GLIS3: variants seen among roughly 807,000 people sequenced by gnomAD.
The protein encoded by GLIS3 is zinc finger protein GLIS3.
In GLIS3, 53 loss-of-function variants were observed where a neutral mutation model predicts 78.6. The observed-to-expected ratio is 0.67, with a 90% CI of 0.54 to 0.85. The LOEUF (loss-of-function observed/expected upper bound fraction) is 0.85. Ranked by LOEUF, GLIS3 falls within the 40% of genes least tolerant of loss-of-function variation. GLIS3 has a pLI of 0.00. For synonymous variants in GLIS3, 684 were observed against 509.9 expected (o/e 1.34, Z -4.60); for missense variants, 1,703 against 1,231.1 (o/e 1.38, Z -5.74).
intron 4 of GLIS3, among the ~76,000 whole-genome samples, chr9:3,973,858 C>T (rs1170648325): frequency 3.3e-5 from 5 of 152,042 alleles, no homozygotes; most frequent in Non-Finnish European, 5.9e-5. Flanking sequence ...TTTTCGACAT[C>T]TTATTTTTGT....
chr9:4,163,378 C>T (rs1835653137), intron 2 of GLIS3, among the ~76,000 whole-genome samples: 1 of 152,264 alleles, frequency 6.6e-6, no homozygotes, highest in Admixed American at 6.5e-5. Flanking sequence ...GAGGATACCT[C>T]ATTTAACATA....
intron 4 of GLIS3, among the ~76,000 whole-genome samples, chr9:4,001,006 G>C (rs1232760040): frequency 6.6e-6 from 1 of 152,140 alleles, no homozygotes; most frequent in Non-Finnish European, 1.5e-5. Context: ...TTTGTAGCCA[G>C]GAGCTGTGTT....
chr9:4,185,033 T>C (rs1030597925), intron 2 of GLIS3, among the ~76,000 whole-genome samples: 1 of 152,228 alleles, frequency 6.6e-6, no homozygotes, highest in African/African-American at 2.4e-5. Context: ...GTTGTATAAC[T>C]ATCACTGTAA....
intron 2 of GLIS3, among the ~76,000 whole-genome samples, chr9:4,220,492 G>A (rs1821233172): frequency 6.6e-6 from 1 of 152,208 alleles, no homozygotes; most frequent in Admixed American, 6.5e-5. Flanking sequence ...GCCCACTGAT[G>A]TAATGCACTG....
intron 4 of GLIS3, among the ~76,000 whole-genome samples, chr9:4,002,283 C>A (rs1821173663): frequency 2.0e-5 from 3 of 152,160 alleles, no homozygotes; most frequent in Non-Finnish European, 4.4e-5. Context: ...CCTTCAGAGC[C>A]TCCAGAAGGA....
chr9:4,420,960 T>C, the GLIS3 span, among the ~76,000 whole-genome samples: 3 of 152,202 alleles, frequency 2.0e-5, no homozygotes, highest in African/African-American at 7.2e-5. Context: ...TTTATTCTGG[T>C]CTTAGAAAGC....
intron 8 of GLIS3, among the ~76,000 whole-genome samples, chr9:3,856,472 C>G (rs1040111313): frequency 2.0e-5 from 3 of 152,202 alleles, no homozygotes; most frequent in Admixed American, 2.0e-4. Context: ...TTCAAATACA[C>G]TATGTTTGGT....
chr9:3,849,278 A>T (rs985126322), intron 9 of GLIS3, among the ~76,000 whole-genome samples: 2 of 152,230 alleles, frequency 1.3e-5, no homozygotes, highest in Non-Finnish European at 2.9e-5. Context: ...CAGATTAGAA[A>T]ACCATCCTAG....
chr9:3,868,137 C>T (rs1405257113), intron 8 of GLIS3, among the ~76,000 whole-genome samples: 1 of 152,210 alleles, frequency 6.6e-6, no homozygotes, highest in Non-Finnish European at 1.5e-5. Flanking sequence ...TTGTTACCCT[C>T]TAAGTTAGAT....
the GLIS3 span, among the ~76,000 whole-genome samples, chr9:4,397,250 C>T: frequency 6.8e-6 from 1 of 147,790 alleles, no homozygotes; most frequent in Non-Finnish European, 1.5e-5. Flanking sequence ...TGGTCTCGAT[C>T]TCCTGACCTC....
At chr9:4,375,075 G>C in the GLIS3 span, among the ~76,000 whole-genome samples, 1 of 152,140 alleles carries the variant, frequency 6.6e-6, no homozygotes, top group Non-Finnish European at 1.5e-5. Context: ...CTCTCTGCTT[G>C]ATCTTAAATG....
chr9:4,379,553 G>C, the GLIS3 span, among the ~76,000 whole-genome samples: 4 of 152,152 alleles, frequency 2.6e-5, no homozygotes, highest in Non-Finnish European at 4.4e-5. Flanking sequence ...TAGTTGATGA[G>C]ATTTCAGGAT....
chr9:4,443,566 CAT>C, the GLIS3 span, among the ~76,000 whole-genome samples: 6 of 152,184 alleles, frequency 3.9e-5, no homozygotes, highest in African/African-American at 1.4e-4. Flanking sequence ...AGGAGACTAA[CAT>C]AGCAGGAAGC....
chr9:4,473,193 T>C, the GLIS3 span, among the ~76,000 whole-genome samples: 2,080 of 152,152 alleles, frequency 0.014, 51 homozygotes, highest in African/African-American at 0.048. Context: ...ATAAAGATAA[T>C]GTGATACATA....
At chr9:4,242,815 A>G (rs1376819469) in intron 2 of GLIS3, among the ~76,000 whole-genome samples, 1 of 152,206 alleles carries the variant, frequency 6.6e-6, no homozygotes, top group Non-Finnish European at 1.5e-5. Context: ...CTGAAATAGT[A>G]TTTTAGATAA....
chr9:4,483,663 T>C, the GLIS3 span, among the ~76,000 whole-genome samples: 1 of 146,562 alleles, frequency 6.8e-6, no homozygotes, highest in Non-Finnish European at 1.5e-5. Context: ...GAGGATGCAG[T>C]GAGCCGATAT....
intron 8 of GLIS3, among the ~76,000 whole-genome samples, chr9:3,879,196 A>T (rs1821551655): frequency 6.6e-6 from 1 of 152,160 alleles, no homozygotes. Flanking sequence ...AGCATCTGAA[A>T]CTTTGGCTGG....
At chr9:4,162,025 G>C (rs1393315596) in intron 2 of GLIS3, among the ~76,000 whole-genome samples, 1 of 152,000 alleles carries the variant, frequency 6.6e-6, no homozygotes. Flanking sequence ...GGCAGGGCCA[G>C]GCTCTCTCTG....
At chr9:4,244,353 G>T (rs1316710675) in intron 2 of GLIS3, among the ~76,000 whole-genome samples, 2 of 152,162 alleles carry the variant, frequency 1.3e-5, no homozygotes, top group African/African-American at 4.8e-5. Context: ...AAGAGTCATT[G>T]TGTTTGTTCC....
Sources: allele counts gnomAD v4.1 joint callset (sites outside exome capture counted in the v4.1 genomes callset), GRCh38; gene constraint gnomAD v4.1.1; transcripts MANE v1.5; gene names NCBI Gene and HGNC (gene_info 2026-07-23, HGNC 2026-07-21).